The following RGS20 variants were observed in gnomAD, a reference collection of about 807,000 sequenced individuals.
RGS20 encodes regulator of G protein signaling 20.
RGS20 carries 30 observed loss-of-function variants against 33.6 expected under a neutral mutation model. The ratio of observed to expected loss-of-function variants is 0.89; its 90% CI spans 0.67 to 1.21. RGS20 has a LOEUF of 1.21. RGS20 is among the 50% of genes most tolerant of loss of function. The probability of loss-of-function intolerance (pLI) is 0.00; values close to 1 mark genes in which losing one functional copy is unlikely to be tolerated. For synonymous variants in RGS20, 208 were observed against 197.9 expected, an observed-to-expected ratio of 1.05 and a Z score of -0.43; for missense variants, 472 against 502.4, an observed-to-expected ratio of 0.94 and a Z score of 0.58.
intron 1 of RGS20, among the ~76,000 whole-genome samples, chr8:53,871,671 C>CAGTG (rs1349646441): frequency 6.6e-6 from 1 of 151,974 alleles, no homozygotes; most frequent in African/African-American, 2.4e-5. Flanking sequence ...GTCTCCTTTC[C>CAGTG]AGTGATGCCT....
chr8:53,938,423 A>C (rs755941553), intron 2 of RGS20, among the ~76,000 whole-genome samples: 21 of 152,206 alleles, frequency 1.4e-4, no homozygotes, highest in Non-Finnish European at 2.2e-4. Context: ...TAGGAGAAAT[A>C]CTTAATGTAG....
At chr8:53,920,150 T>C (rs1563399141) in intron 2 of RGS20, among the ~76,000 whole-genome samples, 1 of 152,120 alleles carries the variant, frequency 6.6e-6, no homozygotes, top group Non-Finnish European at 1.5e-5. Flanking sequence ...GCTGGAATTA[T>C]AGATGTGAGC....
chr8:53,875,862 T>C (rs1185020888), intron 1 of RGS20, among the ~76,000 whole-genome samples: 1 of 152,246 alleles, frequency 6.6e-6, no homozygotes, highest in Non-Finnish European at 1.5e-5. Flanking sequence ...AAACATATTA[T>C]GAAGAGTTGG....
intron 2 of RGS20, among the ~76,000 whole-genome samples, chr8:53,937,169 C>T (rs957728295): frequency 1.3e-5 from 2 of 151,958 alleles, no homozygotes; most frequent in African/African-American, 4.8e-5. Flanking sequence ...GGAAGGATAG[C>T]ATTAGGAGAT....
At chr8:53,872,896 AT>A (rs1271914930) in intron 1 of RGS20, among the ~76,000 whole-genome samples, 7 of 152,194 alleles carry the variant, frequency 4.6e-5, no homozygotes, top group Admixed American at 4.6e-4. Flanking sequence ...TAGGCATACA[AT>A]TCAATGGCAC....
chr8:53,904,510 G>A (rs945185078), intron 2 of RGS20, among the ~76,000 whole-genome samples: 4 of 152,260 alleles, frequency 2.6e-5, no homozygotes, highest in African/African-American at 4.8e-5. Flanking sequence ...CAATAACTAC[G>A]CAGAAATTCT....
Position 53,939,666 on chromosome 8 carries a change from G to T in RGS20, c.601G>T (p.Gly201Trp). 1 of 1,581,942 alleles carries T rather than the reference G, an allele frequency of 6.3e-7. No individual in the cohort carries two copies. The highest frequency in any genetic ancestry group is 8.6e-7 in the Non-Finnish European group (1 of 1,164,374). Reference sequence around the variant, plus strand: ...CGCCGCCCCAGGCCAGCCCGGAGCGGGGAGTCGCGGGTCCAACGCATGCTG... The same window carrying T: ...CGCCGCCCCAGGCCAGCCCGGAGCGTGGAGTCGCGGGTCCAACGCATGCTG... The change falls in exon 3 of 6, where the codon GGG becomes TGG. Residue 201 changes from glycine (G) to tryptophan (W), a missense_variant. This residue lies in a region of RGS20 where 319 missense variants were observed against 283.4 expected (regional missense o/e 1.13). Transcript: ENST00000297313.
intron 5 of RGS20, among the ~76,000 whole-genome samples, chr8:53,955,577 C>T (rs894511052): frequency 8.5e-5 from 13 of 152,158 alleles, no homozygotes; most frequent in Non-Finnish European, 1.3e-4. Flanking sequence ...CTTCTGTAAT[C>T]GCAGCATTTT....
At chr8:53,856,756 C>T (rs959105611) in intron 1 of RGS20, among the ~76,000 whole-genome samples, 1 of 152,138 alleles carries the variant, frequency 6.6e-6, no homozygotes, top group Admixed American at 6.5e-5. Context: ...GAGCTGTTTC[C>T]ACAAGGTTAT....
chr8:53,868,584 A>T (rs1811973948), intron 1 of RGS20, among the ~76,000 whole-genome samples: 1 of 152,162 alleles, frequency 6.6e-6, no homozygotes, highest in African/African-American at 2.4e-5. Flanking sequence ...ATATTCTTAT[A>T]ATAAAGATAA....
chr8:53,897,406 A>G (rs925237133), intron 2 of RGS20, among the ~76,000 whole-genome samples: 22 of 152,208 alleles, frequency 1.4e-4, no homozygotes, highest in Non-Finnish European at 2.6e-4. Flanking sequence ...AGTTCCAGCT[A>G]ATAATTTAGG....
chr8:53,856,890 A>G (rs889458394), intron 1 of RGS20, among the ~76,000 whole-genome samples: 2 of 152,214 alleles, frequency 1.3e-5, no homozygotes, highest in African/African-American at 4.8e-5. Context: ...TTATACACAG[A>G]AATGAGAAAA....
At chr8:53,947,163 TAC>T (rs1315880656) in intron 4 of RGS20, among the ~76,000 whole-genome samples, 1 of 146,532 alleles carries the variant, frequency 6.8e-6, no homozygotes, top group Non-Finnish European at 1.5e-5. Context: ...TATATATTTA[TAC>T]ACTCTATATA....
At chr8:53,909,389 A>G (rs1189002026) in intron 2 of RGS20, among the ~76,000 whole-genome samples, 6 of 151,292 alleles carry the variant, frequency 4.0e-5, no homozygotes, top group African/African-American at 1.5e-4. Context: ...AGCTGGGACT[A>G]TAGGCCCGCA....
intron 1 of RGS20, chr8:53,879,139 C>A: frequency 1.3e-6 from 1 of 779,246 alleles, no homozygotes; most frequent in Non-Finnish European, 2.1e-6. Context: ...TCTGCTTTCA[C>A]CGACCTTCTC....
intron 2 of RGS20, among the ~76,000 whole-genome samples, chr8:53,919,818 G>C (rs58070188): frequency 6.6e-6 from 1 of 152,044 alleles, no homozygotes; most frequent in South Asian, 2.1e-4. Context: ...ATTAACTTGA[G>C]GAATGTTGCC....
In RGS20 at chr8:53,885,184, C is replaced by G. The variant is rs143174030; in HGVS notation, c.510+5582C>G. On this transcript the variant is annotated intron_variant, in intron 2 of 5. Coordinates refer to ENST00000297313, the MANE Select transcript of RGS20 (RefSeq NM_170587.4). ...GCAGTAGCCTGTAACTGGTTTCATT[C>G]CAGGCATTAAGTATTAATTCCTGAA... is the stretch of plus-strand genomic sequence containing the variant. Among the ~76,000 whole-genome samples, 701 of 152,270 alleles carry G rather than the reference C, an allele frequency of 4.6e-3. 7 individuals are homozygous for G. Among genetic ancestry groups the G allele is most frequent in the African/African-American group, 0.016 (671 of 41,546 alleles).
At chr8:53,904,097 T>C (rs889393942) in intron 2 of RGS20, among the ~76,000 whole-genome samples, 1 of 151,418 alleles carries the variant, frequency 6.6e-6, no homozygotes, top group Non-Finnish European at 1.5e-5. Flanking sequence ...CAAGAAGGGG[T>C]AGCTTTGTCT....
intron 1 of RGS20, among the ~76,000 whole-genome samples, chr8:53,871,559 G>A (rs1347186276): frequency 2.0e-5 from 3 of 151,974 alleles, no homozygotes; most frequent in Admixed American, 6.6e-5. Flanking sequence ...AGAGGTTGCA[G>A]TGAGTTGAGA....
Sources: allele counts gnomAD v4.1 joint callset (sites outside exome capture counted in the v4.1 genomes callset), GRCh38; gene constraint gnomAD v4.1.1; regional missense constraint gnomAD v4.1.1; transcripts MANE v1.5; gene names NCBI Gene and HGNC (gene_info 2026-07-23, HGNC 2026-07-21).